The following MECOM variants were observed in gnomAD, a reference collection of about 807,000 sequenced individuals.
The protein encoded by MECOM is histone-lysine N-methyltransferase MECOM.
In MECOM, 13 loss-of-function variants were observed where a neutral mutation model predicts 116.3. The observed-to-expected ratio is 0.11, with a 90% confidence interval of 0.07 to 0.18. The LOEUF is 0.18. MECOM is among the 10% of genes least tolerant of loss of function. The pLI is 1.00. For synonymous variants in MECOM, 528 were observed against 535.2 expected, an observed-to-expected ratio of 0.99 and a Z score of 0.19; for missense variants, 1,299 against 1,509.0, an observed-to-expected ratio of 0.86 and a Z score of 2.31.
At chr3:169,339,356 C>G (rs919212261) in intron 2 of MECOM, among the ~76,000 whole-genome samples, 1 of 152,204 alleles carries the variant, frequency 6.6e-6, no homozygotes, top group Non-Finnish European at 1.5e-5. Flanking sequence ...GGGGCACAGA[C>G]ATCTGTTTAA....
chr3:169,523,937 A>AAT (rs57430753), intron 1 of MECOM, among the ~76,000 whole-genome samples: 9 of 148,338 alleles, frequency 6.1e-5, no homozygotes, highest in African/African-American at 9.8e-5. Context: ...ATATTAGTGT[A>AAT]ATATATATAT....
At chr3:169,127,206 A>C (rs949911210) in intron 5 of MECOM, among the ~76,000 whole-genome samples, 5 of 152,138 alleles carry the variant, frequency 3.3e-5, no homozygotes. Context: ...GTTATAGAAT[A>C]AAATTCAAAA....
chr3:169,329,297 C>T (rs371343353), intron 2 of MECOM, among the ~76,000 whole-genome samples: 9 of 152,278 alleles, frequency 5.9e-5, no homozygotes, highest in Admixed American at 3.9e-4. Flanking sequence ...AGAAATTATG[C>T]TATAAGCTTT....
At chr3:169,473,750 A>G (rs915435714) in intron 1 of MECOM, among the ~76,000 whole-genome samples, 1 of 151,744 alleles carries the variant, frequency 6.6e-6, no homozygotes, top group African/African-American at 2.4e-5. Context: ...GCCTGGTGAC[A>G]GAGCCAGACT....
At chr3:169,141,023 T>TA (rs1189610811) in intron 3 of MECOM, among the ~76,000 whole-genome samples, 3 of 152,076 alleles carry the variant, frequency 2.0e-5, no homozygotes, top group Non-Finnish European at 4.4e-5. Context: ...TCCATATCAT[T>TA]AAAAACTGAT....
At chr3:169,332,362 G>T (rs1254460267) in intron 2 of MECOM, among the ~76,000 whole-genome samples, 2 of 152,086 alleles carry the variant, frequency 1.3e-5, no homozygotes, top group African/African-American at 4.8e-5. Flanking sequence ...ATGTTTAAGG[G>T]ACTTCACTTT....
chr3:169,172,300 A>T (rs889426346), intron 2 of MECOM, among the ~76,000 whole-genome samples: 4 of 151,962 alleles, frequency 2.6e-5, no homozygotes, highest in African/African-American at 9.7e-5. Flanking sequence ...TTTATTCAGG[A>T]TATTATCTCC....
intron 1 of MECOM, among the ~76,000 whole-genome samples, chr3:169,608,259 G>C (rs1768830556): frequency 6.6e-6 from 1 of 152,194 alleles, no homozygotes; most frequent in South Asian, 2.1e-4. Flanking sequence ...CTGCTAGTCA[G>C]TCTGACCTGG....
chr3:169,183,961 T>C (rs949863111), intron 2 of MECOM, among the ~76,000 whole-genome samples: 18 of 151,672 alleles, frequency 1.2e-4, no homozygotes, highest in Non-Finnish European at 2.5e-4. Context: ...ACCTCCCGGG[T>C]TCACGCCATT....
At chr3:169,579,312 T>C (rs547586769) in intron 1 of MECOM, among the ~76,000 whole-genome samples, 2 of 152,270 alleles carry the variant, frequency 1.3e-5, no homozygotes, top group East Asian at 3.9e-4. Flanking sequence ...AATTTAGGTT[T>C]TGAGTGACAG....
At chr3:169,157,822 G>T (rs1411328007) in intron 2 of MECOM, among the ~76,000 whole-genome samples, 2 of 152,178 alleles carry the variant, frequency 1.3e-5, no homozygotes, top group East Asian at 3.9e-4. Flanking sequence ...GGGGATGCCA[G>T]AAGGGACATG....
chr3:169,424,908 G>T (rs1174384431), intron 1 of MECOM, among the ~76,000 whole-genome samples: 1 of 151,930 alleles, frequency 6.6e-6, no homozygotes, highest in Non-Finnish European at 1.5e-5. Context: ...TTCTTTCAGG[G>T]TTAGTTTTTT....
Position 169,121,216 on chromosome 3 carries a change from G to A in MECOM, c.979-7C>T. ...TGCTAGGGTCCGTGAAAACCTGCTA[G>A]GAAATGAGTACTGATTAATCAAGAA... On this transcript the variant is annotated splice_region_variant and splice_polypyrimidine_tract_variant and intron_variant, in intron 6 of 16. Transcript: ENST00000651503. The A allele has an allele frequency of 6.2e-7, 1 of 1,606,914 alleles. No individual in the cohort carries two copies. The highest frequency in any genetic ancestry group is 8.5e-7 in the Non-Finnish European group (1 of 1,176,292).
intron 2 of MECOM, among the ~76,000 whole-genome samples, chr3:169,362,842 C>G (rs1490870683): frequency 6.6e-6 from 1 of 151,994 alleles, no homozygotes; most frequent in East Asian, 1.9e-4. Context: ...GTTTCACACA[C>G]ACTTTACCTG....
chr3:169,133,441 C>G (rs533542396), intron 3 of MECOM: 2 of 152,408 alleles, frequency 1.3e-5, no homozygotes, highest in Admixed American at 1.3e-4. Context: ...TGAAAAATAA[C>G]TTAATGAGGA....
intron 1 of MECOM, among the ~76,000 whole-genome samples, chr3:169,486,585 A>G (rs1043213391): frequency 3.2e-4 from 49 of 152,276 alleles, no homozygotes; most frequent in African/African-American, 1.1e-3. Context: ...TATTGAAAAT[A>G]TATTTTGATT....
intron 1 of MECOM, among the ~76,000 whole-genome samples, chr3:169,599,249 C>T (rs112986036): frequency 0.012 from 1,853 of 152,272 alleles, 46 homozygotes; most frequent in African/African-American, 0.043. Flanking sequence ...GGCACGGTGG[C>T]TCATGCCTGT....
chr3:169,606,136 G>A (rs899104182), intron 1 of MECOM, among the ~76,000 whole-genome samples: 4 of 152,168 alleles, frequency 2.6e-5, no homozygotes, highest in African/African-American at 9.7e-5. Flanking sequence ...AAGAGGCCAG[G>A]TGCGGTGGCT....
chr3:169,132,448 A>C (rs1735047755), intron 3 of MECOM, among the ~76,000 whole-genome samples: 1 of 150,806 alleles, frequency 6.6e-6, no homozygotes, highest in Admixed American at 6.6e-5. Context: ...AAGCATGAAA[A>C]TCTTTAGATG....
Sources: gnomAD v4.1 joint callset for allele counts (sites outside exome capture counted in the v4.1 genomes callset) on GRCh38, gnomAD v4.1.1 for gene constraint, MANE v1.5 for transcripts, NCBI Gene and HGNC (gene_info 2026-07-23, HGNC 2026-07-21) for gene names.